NTRK3: variants seen among roughly 807,000 people sequenced by gnomAD.
NTRK3 encodes the protein NT-3 growth factor receptor.
NTRK3 carries 24 observed loss-of-function variants against 91.7 expected under a neutral mutation model. The observed-to-expected ratio is 0.26, with a 90% CI of 0.19 to 0.37. The LOEUF is 0.37. NTRK3 is among the 10% of genes least tolerant of loss of function. The pLI, the probability that NTRK3 is intolerant of heterozygous loss-of-function variation, is 1.00. For missense variants in NTRK3, 880 were observed against 1,068.9 expected (o/e 0.82, Z 2.46); for synonymous variants, 483 against 404.0 (o/e 1.20, Z -2.34).
intron 6 of NTRK3, among the ~76,000 whole-genome samples, chr15:88,139,233 T>C (rs1467247470): frequency 6.6e-6 from 1 of 152,084 alleles, no homozygotes; most frequent in African/African-American, 2.4e-5. Context: ...CTCAATGGGA[T>C]TATTAAGGAG....
chr15:88,044,651 C>T (rs1307838468), intron 13 of NTRK3, among the ~76,000 whole-genome samples: 1 of 147,438 alleles, frequency 6.8e-6, no homozygotes, highest in Non-Finnish European at 1.5e-5. Flanking sequence ...CACTTCTGAA[C>T]TATAATGCAC....
At chr15:88,175,284 AT>A (rs2045894349) in intron 5 of NTRK3, among the ~76,000 whole-genome samples, 7 of 152,240 alleles carry the variant, frequency 4.6e-5, no homozygotes, top group Non-Finnish European at 1.5e-5. Context: ...GAACAGTAAC[AT>A]CCTTTGCCCC....
In NTRK3 at chr15:87,961,099, G is replaced by A. The variant is rs199690414; in HGVS notation, c.1586-20346C>T. Among the ~76,000 whole-genome samples the A allele has an allele frequency of 2.4e-4, 36 of 152,274 alleles. 1 individual carries two copies. The East Asian group carries it at 6.2e-3, about 26-fold the overall frequency. The stretch of plus-strand genomic sequence containing the variant: ...TACCTGGCCTCTCTGATCATTAGCA[G>A]CCTTGCATCTGATGAGATGGGGTAC... On this transcript the variant is annotated intron_variant, in intron 14 of 18. Coordinates refer to ENST00000394480, the Ensembl canonical transcript of NTRK3.
At chr15:88,047,672 A>G (rs906535225) in intron 13 of NTRK3, among the ~76,000 whole-genome samples, 8 of 152,174 alleles carry the variant, frequency 5.3e-5, no homozygotes, top group African/African-American at 1.2e-4. Flanking sequence ...AAGCCTGCCA[A>G]AAAGGGAGTA....
intron 15 of NTRK3, 127 bp downstream of exon 15, chr15:87,940,496 A>C: frequency 1.4e-6 from 2 of 1,473,726 alleles, no homozygotes; most frequent in South Asian, 2.3e-5. Flanking sequence ...CCTCGGAGCA[A>C]AGTCCTTTGA....
chr15:88,116,172 G>A (rs963789782), intron 13 of NTRK3, among the ~76,000 whole-genome samples: 6 of 152,144 alleles, frequency 3.9e-5, no homozygotes, highest in African/African-American at 1.2e-4. Context: ...TACAAGTCCC[G>A]TCATGTGGAA....
At chr15:88,135,290 C>G (rs2151193862) in exon 10 of NTRK3, 1 of 1,614,174 alleles carries the variant, frequency 6.2e-7, no homozygotes, top group Non-Finnish European at 8.5e-7. Context: ...AGAGGCTGCC[C>G]ATTGTGCAGC....
chr15:88,096,955 T>C (rs549458172), intron 13 of NTRK3, among the ~76,000 whole-genome samples: 7 of 152,264 alleles, frequency 4.6e-5, no homozygotes, highest in Admixed American at 1.3e-4. Flanking sequence ...AAAACTAAGA[T>C]TGAAAAGCAA....
intron 5 of NTRK3, among the ~76,000 whole-genome samples, chr15:88,165,023 C>T (rs979490847): frequency 4.6e-5 from 7 of 152,110 alleles, no homozygotes; most frequent in Non-Finnish European, 1.5e-5. Flanking sequence ...CTAGAGTCAA[C>T]CCCCATCCCA....
chr15:88,060,752 G>A (rs577851595), intron 13 of NTRK3, among the ~76,000 whole-genome samples: 1 of 152,258 alleles, frequency 6.6e-6, no homozygotes, highest in African/African-American at 2.4e-5. Context: ...GAAGCAAGAA[G>A]CCCCAGTCAC....
At chr15:88,204,010 T>A (rs1424941092) in intron 3 of NTRK3, among the ~76,000 whole-genome samples, 1 of 152,182 alleles carries the variant, frequency 6.6e-6, no homozygotes, top group Non-Finnish European at 1.5e-5. Context: ...TAGGTATTTG[T>A]CCTAACGCTC....
At chr15:88,002,126 G>C (rs1453410737) in intron 14 of NTRK3, among the ~76,000 whole-genome samples, 2 of 148,174 alleles carry the variant, frequency 1.3e-5, no homozygotes, top group African/African-American at 5.0e-5. Flanking sequence ...TGTTGGCCAG[G>C]TGTATTGTAA....
At chr15:87,910,456 T>G (rs751115935) in intron 17 of NTRK3, among the ~76,000 whole-genome samples, 3 of 152,146 alleles carry the variant, frequency 2.0e-5, no homozygotes, top group Non-Finnish European at 4.4e-5. Flanking sequence ...GTGCTAGCAC[T>G]CAGAGAAGCA....
chr15:88,089,199 A>G (rs2048783933), intron 13 of NTRK3, among the ~76,000 whole-genome samples: 1 of 152,200 alleles, frequency 6.6e-6, no homozygotes, highest in South Asian at 2.1e-4. Context: ...GCCTGCATTC[A>G]AATCCTGCCC....
In NTRK3 at chr15:88,241,903, G is replaced by A. The variant is rs933369693; in HGVS notation, c.248+14003C>T. On this transcript the variant is annotated intron_variant, in intron 3 of 18. Transcript: ENST00000394480. The surrounding 1 kb of genome is among the most constrained non-coding windows in gnomAD (Gnocchi z 4.3). ...GGAGAGGCCAGGAGAGTTGCTGCTC[G>A]GCTGCACACATCCTAGAACGACAAT... is the stretch of plus-strand genomic sequence containing the variant. Among the ~76,000 whole-genome samples the A allele has an allele frequency of 9.2e-5, 14 of 152,234 alleles. 1 individual carries two copies. The highest frequency in any genetic ancestry group is 4.2e-4 in the South Asian group (2 of 4,808).
intron 3 of NTRK3, among the ~76,000 whole-genome samples, chr15:88,242,142 C>G (rs970211670): frequency 6.6e-6 from 1 of 152,220 alleles, no homozygotes; most frequent in Middle Eastern, 3.2e-3. Flanking sequence ...GTCTCACTTC[C>G]GCTCTCCCTC....
chr15:87,866,815 T>TC (rs1047793850), exon 19 of NTRK3: 10 of 199,454 alleles, frequency 5.0e-5, no homozygotes, highest in Non-Finnish European at 9.3e-5. Context: ...GGCTTTTTTT[T>TC]CCCCCTCAAG....
At chr15:87,899,970 G>A (rs937703922) in intron 17 of NTRK3, among the ~76,000 whole-genome samples, 5 of 152,160 alleles carry the variant, frequency 3.3e-5, no homozygotes, top group African/African-American at 1.2e-4. Context: ...AATGGAAAAT[G>A]GGATTTGTCT....
At chr15:88,121,010 G>A (rs944202786) in intron 13 of NTRK3, among the ~76,000 whole-genome samples, 6 of 152,200 alleles carry the variant, frequency 3.9e-5, no homozygotes, top group Non-Finnish European at 7.3e-5. Context: ...GAAGTATGAA[G>A]TAATTCTCAC....
Sources: allele counts gnomAD v4.1 joint callset (sites outside exome capture counted in the v4.1 genomes callset), GRCh38; gene constraint gnomAD v4.1.1; non-coding constraint Gnocchi (gnomAD v3.1); transcripts MANE v1.5; gene names NCBI Gene and HGNC (gene_info 2026-07-23, HGNC 2026-07-21).